Variants in ZNF570 observed in about 807,000 individuals in gnomAD.
ZNF570 encodes the protein zinc finger protein 570.
In ZNF570, 8 loss-of-function variants were observed where a neutral mutation model predicts 14.2. That is an observed-to-expected ratio of 0.56 (90% CI 0.33 to 1.02). The LOEUF is 1.02. Among genes scored for constraint, ZNF570 ranks in the 50% least tolerant of loss-of-function variants. ZNF570 has a pLI of 0.03. For synonymous variants in ZNF570, 202 were observed against 207.6 expected (o/e 0.97, Z 0.23); for missense variants, 559 against 624.9 (o/e 0.89, Z 1.12).
chr19:37,479,534 T>C (rs1203623139), intron 4 of ZNF570, among the ~76,000 whole-genome samples: 1 of 152,154 alleles, frequency 6.6e-6, no homozygotes, highest in Non-Finnish European at 1.5e-5. Flanking sequence ...TCAAATCTTC[T>C]GTGTCCTTAT....
chr19:37,467,856 T>G (rs1273522178), upstream of ZNF570: 1 of 1,535,586 alleles, frequency 6.5e-7, no homozygotes. Context: ...TTCTCGTGGC[T>G]GTTTGATTCT....
chr19:37,476,394 C>G lies in ZNF570; in HGVS notation c.216C>G (p.Pro72=). 6.2e-7 allele frequency: 1 copy of G among 1,614,024 alleles called. No individual in the cohort carries two copies. The highest frequency in any genetic ancestry group is 8.5e-7 in the Non-Finnish European group (1 of 1,179,964). The change falls in exon 4 of 5, where the codon CCC becomes CCG. Residue 72 remains proline, a synonymous_variant. Coordinates refer to ENST00000330173, the MANE Select transcript of ZNF570 (RefSeq NM_144694.5). ...TATTGTTGGAACAAGGAAAAGCACC[C>G]TGGATGGTGAAGAGAGAGCTGACAA... is the stretch of plus-strand genomic sequence containing the variant. ...VILLLEQGKA[P]WMVKRELTKG...
chr19:37,469,274 C>T, upstream of ZNF570: 2 of 1,408,994 alleles, frequency 1.4e-6, no homozygotes, highest in Middle Eastern at 2.4e-4. Flanking sequence ...CTTTTCTACT[C>T]CGGACTACGT....
intron 2 of ZNF570, among the ~76,000 whole-genome samples, chr19:37,474,335 A>G (rs1006843520): frequency 1.3e-5 from 2 of 152,202 alleles, no homozygotes; most frequent in Non-Finnish European, 2.9e-5. Context: ...TAAGGAAAAC[A>G]TTTTAGGAAG....
At chr19:37,479,368 A>G (rs896924181) in intron 4 of ZNF570, among the ~76,000 whole-genome samples, 2 of 152,098 alleles carry the variant, frequency 1.3e-5, no homozygotes, top group African/African-American at 4.8e-5. Context: ...GATCTCTTCA[A>G]TATACATTTA....
chr19:37,486,259 G>C lies in ZNF570; in HGVS notation c.*1026G>C, dbSNP rs1040838705. Reference sequence around the variant, plus strand: ...GGCACTTCCCAGGACTAAGAGCTTAGATTCTGGAAAATCATAGCTCCAACA... The same window carrying C: ...GGCACTTCCCAGGACTAAGAGCTTACATTCTGGAAAATCATAGCTCCAACA... On this transcript the variant is annotated 3_prime_UTR_variant, in exon 5 of 5. Transcript: ENST00000330173. 2 of 152,102 alleles carry C rather than the reference G, an allele frequency of 1.3e-5. No individual in the cohort carries two copies. The highest frequency in any genetic ancestry group is 2.9e-5 in the Non-Finnish European group (2 of 68,006). The allele number at this position is 152,102 out of a possible 1,614,324, so 9.4% of individuals were successfully genotyped here.
intron 3 of ZNF570, among the ~76,000 whole-genome samples, 160 bp downstream of exon 3, chr19:37,476,167 C>T (rs2042020952): frequency 6.6e-6 from 1 of 152,220 alleles, no homozygotes; most frequent in African/African-American, 2.4e-5. Context: ...TGAACATATT[C>T]TTGGCCTGTG....
intron 2 of ZNF570, among the ~76,000 whole-genome samples, chr19:37,471,009 A>ATT (rs764609936): frequency 0.02 from 1,658 of 84,370 alleles, 117 homozygotes; most frequent in African/African-American, 0.089. Flanking sequence ...CAGTGAGTAC[A>ATT]TTTTTTTTTT....
chr19:37,477,222 G>A (rs533566501), intron 4 of ZNF570, among the ~76,000 whole-genome samples: 123 of 151,998 alleles, frequency 8.1e-4, no homozygotes, highest in South Asian at 4.4e-3. Context: ...GTTGTGGTGC[G>A]AGAGAAAAGG....
At chr19:37,475,142 T>G (rs1052146983) in intron 2 of ZNF570, among the ~76,000 whole-genome samples, 3 of 151,980 alleles carry the variant, frequency 2.0e-5, no homozygotes, top group Non-Finnish European at 4.4e-5. Flanking sequence ...TTTTGTATTT[T>G]TAGTAGAGAC....
Position 37,484,779 on chromosome 19 carries a change from A to T in ZNF570, c.1157A>T (p.Tyr386Phe). The T allele has an allele frequency of 6.2e-7, 1 of 1,614,122 alleles. No individual in the cohort carries two copies. The highest frequency in any genetic ancestry group is 1.1e-5 in the South Asian group (1 of 91,086). The change falls in exon 5 of 5, where the codon TAT becomes TTT. Residue 386 changes from tyrosine (Y) to phenylalanine (F), a missense_variant. Transcript: ENST00000330173. ...AGAATACATACTGGAGAGAGACCCT[A>T]TGAATGTAAGGAATGTGGGAAGGCC... is the stretch of plus-strand genomic sequence containing the variant. ...HQRIHTGERP[Y>F]ECKECGKAFS... is the part of the protein sequence containing the mutation.
At position 37,470,194 on chromosome 19, in the gene ZNF570, A is replaced by G. The variant is rs145889674; in HGVS notation, c.-51-110A>G. ...CCTAGGTCTCCATTATGCTCTCTCT[A>G]TTGGAGGGAAGGTTGCAAGAGGAGG... On this transcript the variant is annotated intron_variant, in intron 1 of 4. Transcript: ENST00000330173. 32 of 932,634 alleles carry G rather than the reference A, an allele frequency of 3.4e-5. No homozygotes were observed. The East Asian group carries it at 5.8e-4, about 17-fold the overall frequency. The allele number at this position is 932,634 out of a possible 1,614,324, so 57.8% of individuals were successfully genotyped here.
At chr19:37,472,463 TG>T (rs915886159) in intron 2 of ZNF570, among the ~76,000 whole-genome samples, 3 of 151,962 alleles carry the variant, frequency 2.0e-5, no homozygotes, top group Non-Finnish European at 4.4e-5. Context: ...AGGAGAGACC[TG>T]GGCACGGTGA....
At chr19:37,469,307 T>C (rs531813569), upstream of ZNF570, 26 of 1,411,682 alleles carry the variant, frequency 1.8e-5, 1 homozygote, top group East Asian at 3.1e-4. Flanking sequence ...CCCGCGGGAG[T>C]TGGGCCGGCG....
Position 37,487,396 on chromosome 19 carries a change from T to C in ZNF570, c.*2163T>C, listed in dbSNP as rs574719539. The C allele has an allele frequency of 2.0e-5, 3 of 152,150 alleles. No homozygotes were observed. The highest frequency in any genetic ancestry group is 1.3e-4 in the Admixed American group (2 of 15,270). The allele number at this position is 152,150 out of a possible 1,614,324, so 9.4% of individuals were successfully genotyped here. A position where few individuals can be genotyped will look rare whatever the true frequency, so the allele number is the denominator to read the frequency against. On this transcript the variant is annotated 3_prime_UTR_variant, in exon 5 of 5. Coordinates refer to ENST00000330173, the MANE Select transcript of ZNF570 (RefSeq NM_144694.5). ...AAAACAGATAGATACACAAATAATATAGGCATTCATTCTGTTAATATTGAG... is the reference window on the plus strand; with the variant it reads ...AAAACAGATAGATACACAAATAATACAGGCATTCATTCTGTTAATATTGAG...
chr19:37,478,898 T>G (rs2042056108), intron 4 of ZNF570, among the ~76,000 whole-genome samples: 1 of 151,342 alleles, frequency 6.6e-6, no homozygotes, highest in Non-Finnish European at 1.5e-5. Flanking sequence ...CTAGTTGCTG[T>G]TTGCCAATAT....
In ZNF570 at chr19:37,485,392, C is replaced by A; in HGVS notation, c.*159C>A. ...TTAAATCCATTTCCCACAATGCACT[C>A]AAACGGATCTTTTTTTTCTTTTTTT... On this transcript the variant is annotated 3_prime_UTR_variant, in exon 5 of 5. Transcript: ENST00000330173. 1.5e-6 allele frequency: 1 copy of A among 674,326 alleles called. No homozygotes were observed. The highest frequency in any genetic ancestry group is 2.2e-6 in the Non-Finnish European group (1 of 445,356). The allele number at this position is 674,326 out of a possible 1,614,324, so 41.8% of individuals were successfully genotyped here.
chr19:37,475,853 T>G (rs2147009552), intron 2 of ZNF570, 28 bp from the exon 3 acceptor site: 1 of 1,600,628 alleles, frequency 6.2e-7, no homozygotes, highest in Non-Finnish European at 8.5e-7. Flanking sequence ...TGGTAAGAGA[T>G]AAGGTTCTTC....
rs2042148095 is a variant in ZNF570 at position 37,485,695 on chromosome 19, T to A, written c.*462T>A. 1 of 153,604 alleles carries A rather than the reference T, an allele frequency of 6.5e-6. No individual in the cohort carries two copies. The highest frequency in any genetic ancestry group is 2.4e-5 in the African/African-American group (1 of 41,462). 9.5% of individuals were successfully genotyped at this position (153,604 alleles called of 1,614,324 possible). A position where few individuals can be genotyped will look rare whatever the true frequency, so the allele number is the denominator to read the frequency against. On this transcript the variant is annotated 3_prime_UTR_variant, in exon 5 of 5. Coordinates refer to ENST00000330173, the MANE Select transcript of ZNF570 (RefSeq NM_144694.5). ...GTCTCGGCCTCCCAAAGTGCTGGGA[T>A]TACAGGCATGAGCCACCACGCCCAG...
Sources: gnomAD v4.1 joint callset for allele counts (sites outside exome capture counted in the v4.1 genomes callset) on GRCh38, gnomAD v4.1.1 for gene constraint, MANE v1.5 for transcripts, NCBI Gene and HGNC (gene_info 2026-07-23, HGNC 2026-07-21) for gene names.